Variants in FSTL5 observed in about 807,000 individuals in gnomAD.
FSTL5 encodes the protein follistatin-related protein 5.
A neutral mutation model predicts 89.1 loss-of-function variants in FSTL5; 62 were observed. The observed-to-expected ratio is 0.70, with a 90% CI of 0.57 to 0.86. The LOEUF (loss-of-function observed/expected upper bound fraction) is 0.86, where lower values mean the gene tolerates loss of function less well. Ranked by LOEUF, FSTL5 falls within the 40% of genes least tolerant of loss-of-function variation. FSTL5 has a pLI of 0.00. For synonymous variants in FSTL5, 383 were observed against 346.2 expected (o/e 1.11, Z -1.18); for missense variants, 1,057 against 1,001.6 (o/e 1.06, Z -0.75).
At chr4:162,024,044 TA>T (rs1163608774) in intron 3 of FSTL5, among the ~76,000 whole-genome samples, 1 of 152,042 alleles carries the variant, frequency 6.6e-6, no homozygotes, top group Non-Finnish European at 1.5e-5. Flanking sequence ...CTAGGCCCTG[TA>T]AAAAAAGCCT....
intron 4 of FSTL5, among the ~76,000 whole-genome samples, chr4:161,827,383 C>T (rs1336413205): frequency 6.6e-6 from 1 of 152,138 alleles, no homozygotes; most frequent in Non-Finnish European, 1.5e-5. Flanking sequence ...CTGTGAGGGT[C>T]CTTAGCTGTA....
At chr4:162,151,960 A>T (rs995616481) in intron 1 of FSTL5, among the ~76,000 whole-genome samples, 2 of 152,170 alleles carry the variant, frequency 1.3e-5, no homozygotes, top group Non-Finnish European at 2.9e-5. Flanking sequence ...TTTTAATTTA[A>T]CCGAAGTGTT....
chr4:162,099,177 C>T (rs1197018513), intron 2 of FSTL5, among the ~76,000 whole-genome samples: 1 of 152,010 alleles, frequency 6.6e-6, no homozygotes, highest in Non-Finnish European at 1.5e-5. Flanking sequence ...TTTCTTTCAG[C>T]TATTTTGAAA....
intron 4 of FSTL5, among the ~76,000 whole-genome samples, chr4:161,841,223 A>T (rs1278734955): frequency 2.6e-5 from 4 of 152,324 alleles, no homozygotes; most frequent in East Asian, 1.9e-4. Context: ...TTTTCCTGCC[A>T]GAATCTGATT....
At chr4:161,541,765 G>A (rs1731825513) in intron 9 of FSTL5, among the ~76,000 whole-genome samples, 1 of 151,776 alleles carries the variant, frequency 6.6e-6, no homozygotes, top group East Asian at 1.9e-4. Flanking sequence ...GAACTATAAT[G>A]CCCATGAAGA....
intron 5 of FSTL5, among the ~76,000 whole-genome samples, chr4:161,764,422 C>A (rs1740917174): frequency 6.6e-6 from 1 of 151,996 alleles, no homozygotes; most frequent in South Asian, 2.1e-4. Context: ...CCACGCCCAG[C>A]TAATTTTTGT....
chr4:161,821,027 C>A (rs375044092), intron 4 of FSTL5, among the ~76,000 whole-genome samples: 81 of 149,980 alleles, frequency 5.4e-4, no homozygotes, highest in African/African-American at 1.8e-3. Flanking sequence ...TAATTAAAAA[C>A]AAGTTTTCTT....
chr4:162,121,400 T>C (rs752722262), intron 1 of FSTL5, among the ~76,000 whole-genome samples: 28 of 152,022 alleles, frequency 1.8e-4, no homozygotes, highest in South Asian at 2.1e-4. Context: ...CTGGACTGCA[T>C]TGTAATATAT....
chr4:161,961,619 A>T (rs1578895933), intron 3 of FSTL5, among the ~76,000 whole-genome samples: 1 of 151,628 alleles, frequency 6.6e-6, no homozygotes, highest in African/African-American at 2.4e-5. Context: ...ACATCACTTC[A>T]TAATAAATTG....
At position 161,601,199 on chromosome 4, in the gene FSTL5, G is replaced by A. The variant is rs1265925215; in HGVS notation, c.895-13624C>T. 2.0e-5 allele frequency among the ~76,000 whole-genome samples: 3 copies of A among 152,072 alleles called. No homozygotes were observed. The South Asian group carries it at 6.2e-4, about 32-fold the overall frequency. On this transcript the variant is annotated intron_variant, in intron 7 of 15. Coordinates refer to ENST00000306100, the MANE Select transcript of FSTL5 (RefSeq NM_020116.5). The stretch of plus-strand genomic sequence containing the variant: ...TTCAGAAAGACTGGGGGCAGGAGAG[G>A]CATTCCTCATGATACAGGCCTGGTG...
intron 4 of FSTL5, among the ~76,000 whole-genome samples, chr4:161,786,838 C>T (rs577198534): frequency 6.6e-6 from 1 of 152,242 alleles, no homozygotes; most frequent in South Asian, 2.1e-4. Flanking sequence ...TGTAACCTAT[C>T]TGCCAATGTC....
At chr4:161,821,457 G>A (rs868033606) in intron 4 of FSTL5, among the ~76,000 whole-genome samples, 1 of 151,920 alleles carries the variant, frequency 6.6e-6, no homozygotes, top group Admixed American at 6.6e-5. Context: ...AGGTTTTTGC[G>A]GGACACATGG....
At chr4:161,861,908 CCATCTCACTG>C (rs1320933764) in intron 4 of FSTL5, among the ~76,000 whole-genome samples, 1 of 152,142 alleles carries the variant, frequency 6.6e-6, no homozygotes, top group Non-Finnish European at 1.5e-5. Context: ...TTAGTTCATT[CCATCTCACTG>C]AAAAGTAATG....
chr4:161,748,797 T>C (rs1740292219), intron 6 of FSTL5, among the ~76,000 whole-genome samples: 1 of 151,944 alleles, frequency 6.6e-6, no homozygotes, highest in Non-Finnish European at 1.5e-5. Flanking sequence ...TAAATGACCA[T>C]CAATAAGGGC....
chr4:161,640,915 A>G (rs1735935473), intron 7 of FSTL5, among the ~76,000 whole-genome samples: 1 of 152,246 alleles, frequency 6.6e-6, no homozygotes, highest in Non-Finnish European at 1.5e-5. Flanking sequence ...GAGAACAGCA[A>G]TGAATCACAT....
At chr4:162,096,862 T>C (rs986009884) in intron 2 of FSTL5, among the ~76,000 whole-genome samples, 2 of 151,938 alleles carry the variant, frequency 1.3e-5, no homozygotes, top group African/African-American at 4.8e-5. Context: ...ATGAAAATGA[T>C]ACAATGCGTG....
At chr4:161,779,823 A>ATATATATATATATATATATGTG (rs1560841151) in intron 4 of FSTL5, among the ~76,000 whole-genome samples, 4 of 106,760 alleles carry the variant, frequency 3.7e-5, no homozygotes, top group East Asian at 2.7e-4. Flanking sequence ...ATATATATAT[A>ATATATATATATATATATATGTG]TATATATATA....
chr4:161,743,312 G>T (rs1313390337), intron 6 of FSTL5, among the ~76,000 whole-genome samples: 2 of 152,078 alleles, frequency 1.3e-5, no homozygotes. Context: ...TCCATTGAAT[G>T]GTTTTGGGAC....
intron 1 of FSTL5, among the ~76,000 whole-genome samples, chr4:162,143,333 A>G (rs1046007373): frequency 1.3e-5 from 2 of 152,098 alleles, no homozygotes; most frequent in African/African-American, 2.4e-5. Context: ...AATAAATTCC[A>G]TTTGATTTAA....
Sources: gnomAD v4.1 joint callset for allele counts (sites outside exome capture counted in the v4.1 genomes callset) on GRCh38, gnomAD v4.1.1 for gene constraint, MANE v1.5 for transcripts, NCBI Gene and HGNC (gene_info 2026-07-23, HGNC 2026-07-21) for gene names.